GALNT17: variants seen among roughly 807,000 people sequenced by gnomAD.
GALNT17 encodes the protein polypeptide N-acetylgalactosaminyltransferase 17.
In GALNT17, 29 loss-of-function variants were observed where a neutral mutation model predicts 63.7. The ratio of observed to expected loss-of-function variants is 0.46; its 90% CI spans 0.34 to 0.62. The LOEUF is 0.62. Among genes scored for constraint, GALNT17 ranks in the 20% least tolerant of loss-of-function variants. GALNT17 has a pLI of 0.01. For synonymous variants in GALNT17, 305 were observed against 318.3 expected (o/e 0.96, Z 0.45); for missense variants, 603 against 799.6 (o/e 0.75, Z 2.97).
intron 5 of GALNT17, among the ~76,000 whole-genome samples, chr7:71,436,241 T>C (rs1243572297): frequency 6.6e-6 from 1 of 152,090 alleles, no homozygotes; most frequent in Non-Finnish European, 1.5e-5. Flanking sequence ...CTCAGGAGGC[T>C]GAGATGAGAG....
At chr7:71,506,660 A>G (rs1249787135) in intron 5 of GALNT17, among the ~76,000 whole-genome samples, 2 of 152,234 alleles carry the variant, frequency 1.3e-5, no homozygotes, top group Admixed American at 6.5e-5. Flanking sequence ...GTTTCAATAC[A>G]TGCAATATGT....
At chr7:71,230,319 G>C (rs1197370533) in intron 1 of GALNT17, among the ~76,000 whole-genome samples, 1 of 152,114 alleles carries the variant, frequency 6.6e-6, no homozygotes, top group Admixed American at 6.6e-5. Flanking sequence ...AAGAATTTGG[G>C]AAGGAGCTGC....
chr7:71,286,775 G>C (rs190450084), intron 1 of GALNT17, among the ~76,000 whole-genome samples: 2 of 146,808 alleles, frequency 1.4e-5, no homozygotes, highest in East Asian at 4.0e-4. Flanking sequence ...TTTTTTGTTT[G>C]TTATGTTTTT....
intron 1 of GALNT17, among the ~76,000 whole-genome samples, chr7:71,167,330 A>G (rs1022338122): frequency 3.9e-5 from 6 of 152,076 alleles, no homozygotes; most frequent in Non-Finnish European, 5.9e-5. Flanking sequence ...TTCAAATTTC[A>G]TGTCCCAGGT....
At chr7:71,182,351 T>G (rs1184813856) in intron 1 of GALNT17, among the ~76,000 whole-genome samples, 1 of 152,186 alleles carries the variant, frequency 6.6e-6, no homozygotes, top group Non-Finnish European at 1.5e-5. Flanking sequence ...GCATCTTGAT[T>G]AAGAGCAAAC....
At chr7:71,551,714 C>T (rs1195667462) in intron 5 of GALNT17, among the ~76,000 whole-genome samples, 3 of 150,300 alleles carry the variant, frequency 2.0e-5, no homozygotes, top group East Asian at 2.0e-4. Context: ...GCTATGATCA[C>T]ACCACTGCAC....
At chr7:71,358,790 T>G (rs79758760) in intron 2 of GALNT17, among the ~76,000 whole-genome samples, 2 of 152,200 alleles carry the variant, frequency 1.3e-5, no homozygotes, top group Non-Finnish European at 2.9e-5. Flanking sequence ...TCTTTTTTTT[T>G]GAGACGTGGT....
chr7:71,664,829 C>T (rs1003639920), intron 6 of GALNT17, among the ~76,000 whole-genome samples: 1 of 152,036 alleles, frequency 6.6e-6, no homozygotes, highest in African/African-American at 2.4e-5. Context: ...GGTTTATGGG[C>T]CTTTCTTACC....
intron 2 of GALNT17, among the ~76,000 whole-genome samples, chr7:71,366,460 A>G (rs1792510646): frequency 6.6e-6 from 1 of 152,146 alleles, no homozygotes; most frequent in Admixed American, 6.5e-5. Context: ...GGGCGCCTGT[A>G]ATCCCAGTTA....
intron 1 of GALNT17, among the ~76,000 whole-genome samples, chr7:71,256,168 C>G (rs1790285942): frequency 6.6e-6 from 1 of 152,204 alleles, no homozygotes; most frequent in Admixed American, 6.5e-5. Context: ...AAATCTGAAT[C>G]TGCCTGTGAC....
At chr7:71,292,578 C>T (rs1231548736) in intron 1 of GALNT17, among the ~76,000 whole-genome samples, 1 of 151,204 alleles carries the variant, frequency 6.6e-6, no homozygotes, top group Non-Finnish European at 1.5e-5. Flanking sequence ...GCAAAATGAC[C>T]ACAATTAACC....
At chr7:71,367,223 C>A (rs1326576495) in intron 2 of GALNT17, among the ~76,000 whole-genome samples, 1 of 152,206 alleles carries the variant, frequency 6.6e-6, no homozygotes, top group Non-Finnish European at 1.5e-5. Context: ...CTCATCAATA[C>A]TTCTTCCTTA....
chr7:71,594,368 C>T (rs1177513135), intron 6 of GALNT17, among the ~76,000 whole-genome samples: 1 of 152,128 alleles, frequency 6.6e-6, no homozygotes, highest in Non-Finnish European at 1.5e-5. Context: ...CGGCTCACTG[C>T]AACCTCCGCC....
intron 1 of GALNT17, among the ~76,000 whole-genome samples, chr7:71,151,637 A>G (rs1436815829): frequency 6.6e-6 from 1 of 151,496 alleles, no homozygotes; most frequent in African/African-American, 2.4e-5. Context: ...AGAAAAGAAA[A>G]AAAAAAAAAA....
chr7:71,199,400 G>A (rs939469494), intron 1 of GALNT17, among the ~76,000 whole-genome samples: 13 of 152,106 alleles, frequency 8.5e-5, no homozygotes, highest in Middle Eastern at 3.4e-3. Flanking sequence ...ATTTCTAACC[G>A]TCCATCATCT....
At chr7:71,321,542 C>G (rs570614639) in intron 1 of GALNT17, among the ~76,000 whole-genome samples, 1 of 152,314 alleles carries the variant, frequency 6.6e-6, no homozygotes, top group African/African-American at 2.4e-5. Context: ...TACAGAGACC[C>G]TGTTCTAGAT....
At chr7:71,452,123 G>T (rs190706829) in intron 5 of GALNT17, among the ~76,000 whole-genome samples, 5 of 152,176 alleles carry the variant, frequency 3.3e-5, no homozygotes, top group Admixed American at 1.3e-4. Flanking sequence ...CACACCTGTA[G>T]TCCCAGCTTC....
rs1472425491 is a variant in GALNT17 at position 71,710,706 on chromosome 7, A to G, written c.1501-55A>G. The G allele has an allele frequency of 1.1e-5, 17 of 1,596,684 alleles. No homozygotes were observed. In the South Asian group the frequency reaches 1.6e-4, roughly 15 times the overall value. The stretch of plus-strand genomic sequence containing the variant: ...AGAGACCTGAGCCCTGCTTCCTCCC[A>G]TGTCTCACTCCTGCCTCCCACTTCC... On this transcript the variant is annotated intron_variant, in intron 9 of 10. Transcript: ENST00000333538.
chr7:71,561,645 T>C (rs192548112), intron 5 of GALNT17, among the ~76,000 whole-genome samples: 3 of 152,126 alleles, frequency 2.0e-5, no homozygotes, highest in East Asian at 1.9e-4. Flanking sequence ...ATCATCATGA[T>C]AGAATTTGGA....
Sources: gnomAD v4.1 joint callset for allele counts (sites outside exome capture counted in the v4.1 genomes callset) on GRCh38, gnomAD v4.1.1 for gene constraint, MANE v1.5 for transcripts, NCBI Gene and HGNC (gene_info 2026-07-23, HGNC 2026-07-21) for gene names.